Variants in ERC1 observed in about 807,000 individuals in gnomAD.
The protein encoded by ERC1 is RAB6 interacting protein 2.
In ERC1, 56 loss-of-function variants were observed where a neutral mutation model predicts 132.0. The observed-to-expected ratio is 0.42, with a 90% CI of 0.34 to 0.53. The LOEUF (loss-of-function observed/expected upper bound fraction) is 0.53, where lower values mean the gene tolerates loss of function less well. Among genes scored for constraint, ERC1 ranks in the 20% least tolerant of loss-of-function variants. ERC1 has a pLI of 0.03. For synonymous variants in ERC1, 478 were observed against 476.1 expected (o/e 1.00, Z -0.05); for missense variants, 1,202 against 1,349.9 (o/e 0.89, Z 1.72).
intron 3 of ERC1, among the ~76,000 whole-genome samples, chr12:1,094,415 C>CTTTT (rs376475740): frequency 4.3e-5 from 6 of 137,996 alleles, no homozygotes; most frequent in South Asian, 2.3e-4. Context: ...CCTTCTCTCT[C>CTTTT]TTTTTTTTTT....
chr12:1,414,377 G>A (rs79806915), intron 17 of ERC1, among the ~76,000 whole-genome samples: 30 of 152,184 alleles, frequency 2.0e-4, no homozygotes, highest in African/African-American at 2.9e-4. Context: ...AAGCTGTCTC[G>A]TGGTGTTTCT....
intron 7 of ERC1, 56 bp downstream of exon 7, chr12:1,116,089 C>T (rs1205805132): frequency 3.5e-5 from 51 of 1,467,274 alleles, no homozygotes; most frequent in Non-Finnish European, 4.3e-5. Flanking sequence ...TTTTCATAAG[C>T]GTTACCTGTG....
intron 12 of ERC1, among the ~76,000 whole-genome samples, chr12:1,224,965 T>G (rs1004524023): frequency 8.6e-5 from 13 of 151,840 alleles, no homozygotes; most frequent in African/African-American, 2.2e-4. Context: ...GGTGAGTAAG[T>G]GAGACCTTGT....
In ERC1 at chr12:1,315,507, C is replaced by T. The variant is rs370258298; in HGVS notation, c.2780+25495C>T. On this transcript the variant is annotated intron_variant, in intron 15 of 18. Transcript: ENST00000360905. The stretch of plus-strand genomic sequence containing the variant: ...CTGGGATTACAGGTGCCCGCCACAA[C>T]GCCTAGCTAATTTTTGTATTTTTAG... Among the ~76,000 whole-genome samples, 20 of 152,124 alleles carry T rather than the reference C, an allele frequency of 1.3e-4. No homozygotes were observed. In the East Asian group the frequency reaches 1.5e-3, roughly 12 times the overall value.
intron 13 of ERC1, among the ~76,000 whole-genome samples, chr12:1,237,360 G>A (rs58159804): frequency 0.43 from 64,862 of 151,552 alleles, 15,537 homozygotes; most frequent in African/African-American, 0.65. Flanking sequence ...TAAATATTCA[G>A]TTTAGTAAGA....
intron 7 of ERC1, among the ~76,000 whole-genome samples, chr12:1,125,323 A>T (rs1465546404): frequency 6.6e-6 from 1 of 152,060 alleles, no homozygotes; most frequent in Admixed American, 6.6e-5. Flanking sequence ...TCAAATATTT[A>T]AAAATAGTCA....
At chr12:1,195,709 CAGCAA>C (rs1157772745) in intron 12 of ERC1, among the ~76,000 whole-genome samples, 4 of 152,174 alleles carry the variant, frequency 2.6e-5, no homozygotes, top group Non-Finnish European at 5.9e-5. Context: ...AACAAAACCT[CAGCAA>C]AGCAGAGTTG....
chr12:1,410,222 C>G (rs2091762855), intron 17 of ERC1, among the ~76,000 whole-genome samples: 1 of 152,184 alleles, frequency 6.6e-6, no homozygotes, highest in African/African-American at 2.4e-5. Context: ...AGAGGACCAA[C>G]ATTAACTACT....
chr12:1,014,529 A>T (rs116814505), intron 1 of ERC1, among the ~76,000 whole-genome samples: 1 of 152,320 alleles, frequency 6.6e-6, no homozygotes, highest in African/African-American at 2.4e-5. Context: ...AACAGAGAAG[A>T]AAAGTATGTA....
intron 3 of ERC1, among the ~76,000 whole-genome samples, chr12:1,104,127 A>T (rs752501377): frequency 1.2e-4 from 13 of 111,682 alleles, no homozygotes; most frequent in Non-Finnish European, 1.9e-4. Flanking sequence ...AAATTTGGGT[A>T]AAAAAAAAAA....
chr12:1,093,342 A>C (rs1943496001), intron 3 of ERC1, among the ~76,000 whole-genome samples: 1 of 152,194 alleles, frequency 6.6e-6, no homozygotes, highest in Non-Finnish European at 1.5e-5. Context: ...GACTGTTAGA[A>C]GAGTGGGGAC....
At chr12:1,455,660 G>A (rs778488902) in intron 18 of ERC1, among the ~76,000 whole-genome samples, 39 of 152,324 alleles carry the variant, frequency 2.6e-4, no homozygotes, top group Middle Eastern at 3.4e-3. Context: ...AGGGAGTTGC[G>A]TTAGTGGCTC....
intron 2 of ERC1, among the ~76,000 whole-genome samples, chr12:1,051,064 A>G (rs1971867116): frequency 6.6e-6 from 1 of 152,190 alleles, no homozygotes; most frequent in Admixed American, 6.5e-5. Context: ...TTTGGGAACT[A>G]CTAGCGATTC....
At chr12:1,358,278 C>G (rs2085736814) in intron 15 of ERC1, among the ~76,000 whole-genome samples, 1 of 150,676 alleles carries the variant, frequency 6.6e-6, no homozygotes, top group Non-Finnish European at 1.5e-5. Context: ...AGAACCAACC[C>G]ATAGAAGTCA....
At chr12:1,013,931 T>C (rs938744209) in intron 1 of ERC1, among the ~76,000 whole-genome samples, 1 of 152,104 alleles carries the variant, frequency 6.6e-6, no homozygotes, top group Non-Finnish European at 1.5e-5. Flanking sequence ...AGACGAGGTC[T>C]TGCCGTGTTG....
chr12:1,130,061 G>A (rs905662544), intron 7 of ERC1, among the ~76,000 whole-genome samples: 1 of 152,226 alleles, frequency 6.6e-6, no homozygotes, highest in Non-Finnish European at 1.5e-5. Context: ...AAATAATACA[G>A]CAGGTGGAAT....
chr12:1,262,355 C>T (rs753283384), intron 13 of ERC1, among the ~76,000 whole-genome samples: 4 of 152,150 alleles, frequency 2.6e-5, no homozygotes, highest in African/African-American at 4.8e-5. Context: ...TTCACCTCTC[C>T]GGAAGCTGTG....
At chr12:1,261,154 A>T (rs1440320851) in intron 13 of ERC1, among the ~76,000 whole-genome samples, 1 of 152,224 alleles carries the variant, frequency 6.6e-6, no homozygotes, top group African/African-American at 2.4e-5. Context: ...GCAGATGTAC[A>T]AGTGAAGTTG....
intron 16 of ERC1, among the ~76,000 whole-genome samples, chr12:1,388,850 A>G (rs1277843604): frequency 2.0e-5 from 3 of 152,160 alleles, no homozygotes; most frequent in African/African-American, 7.2e-5. Context: ...ATCAAACACC[A>G]CCTAATCTTA....
Sources: gnomAD v4.1 joint callset for allele counts (sites outside exome capture counted in the v4.1 genomes callset) on GRCh38, gnomAD v4.1.1 for gene constraint, MANE v1.5 for transcripts, NCBI Gene and HGNC (gene_info 2026-07-23, HGNC 2026-07-21) for gene names.